CTBP2: variants seen among roughly 807,000 people sequenced by gnomAD.
CTBP2 encodes the protein C-terminal-binding protein 2.
In CTBP2, 30 loss-of-function variants were observed where a neutral mutation model predicts 80.3. The ratio of observed to expected loss-of-function variants is 0.37; its 90% CI spans 0.28 to 0.51. The LOEUF (loss-of-function observed/expected upper bound fraction) is 0.51. Ranked by LOEUF, CTBP2 falls within the 20% of genes least tolerant of loss-of-function variation. CTBP2 has a pLI of 0.93. For synonymous variants in CTBP2, 594 were observed against 587.4 expected, an observed-to-expected ratio of 1.01 and a Z score of -0.16; for missense variants, 1,212 against 1,375.3, an observed-to-expected ratio of 0.88 and a Z score of 1.88.
intron 1 of CTBP2, among the ~76,000 whole-genome samples, chr10:125,142,106 C>T (rs1857932311): frequency 2.0e-5 from 3 of 152,152 alleles, no homozygotes. Flanking sequence ...CCAGAACTGC[C>T]CACTCTTGGG....
At chr10:125,067,867 C>T (rs948152174) in intron 2 of CTBP2, among the ~76,000 whole-genome samples, 4 of 152,182 alleles carry the variant, frequency 2.6e-5, no homozygotes, top group East Asian at 3.9e-4. Context: ...CCTCTGAAGC[C>T]GCCAAGTGCA....
chr10:125,126,016 C>A (rs1388444622), intron 1 of CTBP2, among the ~76,000 whole-genome samples: 1 of 152,208 alleles, frequency 6.6e-6, no homozygotes, highest in Non-Finnish European at 1.5e-5. Context: ...CAAGCCAAAG[C>A]CAGTGCCGTC....
chr10:125,160,904 C>G (rs1209357360), upstream of CTBP2: 1 of 149,034 alleles, frequency 6.7e-6, no homozygotes. Context: ...GCTATTTGCT[C>G]TTCTTTATTT....
chr10:125,005,406 C>A, intron 1 of CTBP2: 1 of 786,828 alleles, frequency 1.3e-6, no homozygotes, highest in Non-Finnish European at 2.0e-6. Context: ...CCCAGTCACT[C>A]CTGCTGCTGC....
At chr10:125,005,536 C>T (rs762736590) in intron 1 of CTBP2, 40 of 1,604,576 alleles carry the variant, frequency 2.5e-5, no homozygotes, top group Admixed American at 5.1e-5. Flanking sequence ...CCAACACCCC[C>T]GTGTCCTCAC....
chr10:125,027,004 G>A lies in CTBP2; in HGVS notation c.756C>T (p.Ala252=). Residue 252 remains alanine (A), a synonymous_variant, in exon 1 of 9, where the codon GCC becomes GCT. Coordinates refer to ENST00000309035, the MANE Select transcript of CTBP2 (RefSeq NM_022802.3). ...GGGCAGGCCCGTAGCCACGATTCAGGGCCCCTGGGGCCACCCCTGTGCTGC... is the reference window on the plus strand; with the variant it reads ...GGGCAGGCCCGTAGCCACGATTCAGAGCCCCTGGGGCCACCCCTGTGCTGC... 6.2e-7 allele frequency: 1 copy of A among 1,613,976 alleles called. No individual in the cohort carries two copies. Among genetic ancestry groups the A allele is most frequent in the South Asian group, 1.1e-5 (1 of 91,090 alleles).
chr10:125,133,988 A>C (rs1856576702), intron 1 of CTBP2, among the ~76,000 whole-genome samples: 1 of 152,236 alleles, frequency 6.6e-6, no homozygotes, highest in Non-Finnish European at 1.5e-5. Flanking sequence ...AGAAACGCAC[A>C]TAAAGGCATG....
At chr10:125,031,634 AAC>A (rs1347114550), upstream of CTBP2, among the ~76,000 whole-genome samples, 1 of 152,158 alleles carries the variant, frequency 6.6e-6, no homozygotes, top group Non-Finnish European at 1.5e-5. Context: ...TTACATAGCA[AAC>A]ACAAAGTCTG....
At position 124,986,181 on chromosome 10, in the gene CTBP2, A is replaced by T. The variant is rs1952029476; in HGVS notation, c.*3337T>A. 6.6e-6 allele frequency: 1 copy of T among 152,578 alleles called. No homozygotes were observed. The highest frequency in any genetic ancestry group is 6.6e-5 in the Admixed American group (1 of 15,264). The allele number at this position is 152,578 out of a possible 1,614,324, so 9.5% of individuals were successfully genotyped here. A position where few individuals can be genotyped will look rare whatever the true frequency, so the allele number is the denominator to read the frequency against. On this transcript the variant is annotated 3_prime_UTR_variant, in exon 9 of 9. Coordinates refer to ENST00000309035, the MANE Select transcript of CTBP2 (RefSeq NM_022802.3). ...GGTATACATTCAATACTGGGTAAAAATTTCAGACCTATCTCAGGAACACAG... is the reference window on the plus strand; with the variant it reads ...GGTATACATTCAATACTGGGTAAAATTTTCAGACCTATCTCAGGAACACAG...
intron 1 of CTBP2, among the ~76,000 whole-genome samples, chr10:125,157,885 T>C (rs1214160707): frequency 6.6e-6 from 1 of 152,152 alleles, no homozygotes; most frequent in East Asian, 1.9e-4. Flanking sequence ...TTGGGGGCAA[T>C]AAAAAGGGCA....
At chr10:124,993,418 GAAAA>G in intron 6 of CTBP2, 89 bp from the exon 9 acceptor site, 1 of 1,420,808 alleles carries the variant, frequency 7.0e-7, no homozygotes, top group African/African-American at 1.4e-5. Flanking sequence ...TGGCCATGTA[GAAAA>G]GTAGCTACAT....
At chr10:125,033,613 G>C (rs1435288081) in intron 3 of CTBP2, among the ~76,000 whole-genome samples, 1 of 152,214 alleles carries the variant, frequency 6.6e-6, no homozygotes, top group Non-Finnish European at 1.5e-5. Context: ...GCGGGCTGCT[G>C]TCTGCTGCTG....
intron 1 of CTBP2, chr10:125,006,009 G>C: frequency 9.1e-6 from 13 of 1,428,064 alleles, no homozygotes; most frequent in Non-Finnish European, 1.2e-5. Context: ...AGAGGCCATT[G>C]TCACAAGATG....
intron 1 of CTBP2, among the ~76,000 whole-genome samples, chr10:125,129,045 C>G (rs978962269): frequency 2.0e-5 from 3 of 152,102 alleles, no homozygotes; most frequent in Non-Finnish European, 1.5e-5. Context: ...ATGAAAAAAG[C>G]TTCATGCAAA....
chr10:125,057,912 T>C (rs1289632795), intron 2 of CTBP2, among the ~76,000 whole-genome samples: 1 of 152,060 alleles, frequency 6.6e-6, no homozygotes, highest in Non-Finnish European at 1.5e-5. Flanking sequence ...CCGTCCCACT[T>C]CCTGTCCACA....
Position 124,985,072 on chromosome 10 carries a change from C to A in CTBP2, c.*4446G>T. On this transcript the variant is annotated 3_prime_UTR_variant, in exon 9 of 9. Transcript: ENST00000309035. ...GTTAGTGTGGTGCTCCAAGCAGAGT[C>A]GACATCATGGAATGAACCAAATCTG... is the stretch of plus-strand genomic sequence containing the variant. The A allele has an allele frequency of 3.4e-6, 4 of 1,174,582 alleles. No individual in the cohort carries two copies. Among genetic ancestry groups the A allele is most frequent in the South Asian group, 1.4e-5 (1 of 71,692 alleles). 72.8% of individuals were successfully genotyped at this position (1,174,582 alleles called of 1,614,324 possible). A position where few individuals can be genotyped will look rare whatever the true frequency, so the allele number is the denominator to read the frequency against.
At chr10:125,137,455 C>A (rs1271027866) in intron 1 of CTBP2, among the ~76,000 whole-genome samples, 1 of 152,192 alleles carries the variant, frequency 6.6e-6, no homozygotes, top group Non-Finnish European at 1.5e-5. Flanking sequence ...GGATGGTGAC[C>A]TGCACATACA....
chr10:125,072,476 T>C (rs1317638885), intron 2 of CTBP2, among the ~76,000 whole-genome samples: 1 of 150,246 alleles, frequency 6.7e-6, no homozygotes, highest in African/African-American at 2.4e-5. Flanking sequence ...ATTAGTCAGG[T>C]GTGATGGCAG....
chr10:124,984,651 A>T lies in CTBP2; in HGVS notation c.*4867T>A. On this transcript the variant is annotated 3_prime_UTR_variant, in exon 9 of 9. Coordinates refer to ENST00000309035, the MANE Select transcript of CTBP2 (RefSeq NM_022802.3). ...ACTTCCAAGAGGTCAAAACCATGTG[A>T]AAAGTTGATTGCTTTGGCCTTTTCA... The T allele has an allele frequency of 1.0e-6, 1 of 962,974 alleles. No homozygotes were observed. The highest frequency in any genetic ancestry group is 1.5e-6 in the Non-Finnish European group (1 of 657,010). 59.7% of individuals were successfully genotyped at this position (962,974 alleles called of 1,614,324 possible).
Sources: gnomAD v4.1 joint callset for allele counts (sites outside exome capture counted in the v4.1 genomes callset) on GRCh38, gnomAD v4.1.1 for gene constraint, MANE v1.5 for transcripts, NCBI Gene and HGNC (gene_info 2026-07-23, HGNC 2026-07-21) for gene names.